Variants in STAU2 observed in about 807,000 individuals in gnomAD.
STAU2 encodes double-stranded RNA-binding protein Staufen homolog 2.
STAU2 carries 20 observed loss-of-function variants against 65.9 expected under a neutral mutation model. The observed-to-expected ratio is 0.30, with a 90% confidence interval of 0.21 to 0.44. STAU2 has a LOEUF of 0.44. STAU2 is among the 20% of genes least tolerant of loss of function. The pLI is 1.00. For missense variants in STAU2, 558 were observed against 683.9 expected (o/e 0.82, Z 2.05); for synonymous variants, 232 against 233.9 (o/e 0.99, Z 0.07).
At chr8:73,690,261 G>A (rs763897604) in intron 4 of STAU2, among the ~76,000 whole-genome samples, 3 of 147,018 alleles carry the variant, frequency 2.0e-5, no homozygotes, top group Non-Finnish European at 3.0e-5. Flanking sequence ...CCCAGGAAGC[G>A]GAGCTTGCAG....
At chr8:73,631,074 G>A (rs1006895455) in intron 6 of STAU2, among the ~76,000 whole-genome samples, 2 of 152,092 alleles carry the variant, frequency 1.3e-5, no homozygotes, top group East Asian at 3.8e-4. Context: ...TGCCAATCTA[G>A]GCCAGGCACA....
chr8:73,422,580 A>G, intron 14 of STAU2, 34 bp downstream of exon 14: 6 of 1,449,570 alleles, frequency 4.1e-6, no homozygotes, highest in Non-Finnish European at 5.5e-6. Flanking sequence ...GTTACAATTA[A>G]AAGTGTAAGA....
chr8:73,571,695 C>G (rs1472747721), intron 12 of STAU2, among the ~76,000 whole-genome samples: 1 of 152,110 alleles, frequency 6.6e-6, no homozygotes, highest in East Asian at 1.9e-4. Flanking sequence ...TTCTTTGAAA[C>G]CAATGAGAAC....
At chr8:73,684,259 G>A (rs1314760948) in intron 5 of STAU2, among the ~76,000 whole-genome samples, 2 of 152,072 alleles carry the variant, frequency 1.3e-5, no homozygotes, top group Non-Finnish European at 2.9e-5. Flanking sequence ...ATAAAAATAG[G>A]CACATAGACC....
intron 3 of STAU2, among the ~76,000 whole-genome samples, chr8:73,724,941 G>C (rs557325533): frequency 1.3e-5 from 2 of 152,060 alleles, no homozygotes; most frequent in Admixed American, 6.6e-5. Context: ...GCCAGCCTTG[G>C]CCTCCCAAAG....
chr8:73,429,919 G>T (rs1336280701), intron 13 of STAU2, among the ~76,000 whole-genome samples: 3 of 152,170 alleles, frequency 2.0e-5, no homozygotes, highest in African/African-American at 7.2e-5. Context: ...TGATTGTTTT[G>T]TGGGGAGCAC....
At chr8:73,691,298 CATT>C (rs1225783153) in intron 4 of STAU2, among the ~76,000 whole-genome samples, 2 of 152,204 alleles carry the variant, frequency 1.3e-5, no homozygotes, top group Non-Finnish European at 2.9e-5. Context: ...GTTCAAACCT[CATT>C]AGTTTCGTTT....
At chr8:73,504,162 T>C (rs1821918619) in intron 13 of STAU2, among the ~76,000 whole-genome samples, 1 of 152,110 alleles carries the variant, frequency 6.6e-6, no homozygotes, top group Non-Finnish European at 1.5e-5. Context: ...CCAGAAACTT[T>C]TCACATTCAT....
intron 12 of STAU2, among the ~76,000 whole-genome samples, chr8:73,560,826 G>C (rs917161777): frequency 6.6e-6 from 1 of 152,188 alleles, no homozygotes; most frequent in African/African-American, 2.4e-5. Context: ...ATCAATTTAT[G>C]ATGAACTGGG....
chr8:73,712,117 T>A (rs1037292511), intron 3 of STAU2, among the ~76,000 whole-genome samples: 1 of 152,142 alleles, frequency 6.6e-6, no homozygotes, highest in Non-Finnish European at 1.5e-5. Context: ...GAGAAGTCAA[T>A]AGTGCAAAAA....
At chr8:73,575,617 A>T (rs1809484550) in intron 12 of STAU2, among the ~76,000 whole-genome samples, 1 of 152,164 alleles carries the variant, frequency 6.6e-6, no homozygotes, top group Non-Finnish European at 1.5e-5. Flanking sequence ...AATAATAATA[A>T]ATCCCTATAC....
chr8:73,736,673 T>C (rs1806453933), intron 3 of STAU2, among the ~76,000 whole-genome samples: 1 of 152,078 alleles, frequency 6.6e-6, no homozygotes, highest in East Asian at 1.9e-4. Context: ...GGGCACACAT[T>C]AAGTCTAAGA....
At chr8:73,728,809 G>A (rs1200237022) in intron 3 of STAU2, among the ~76,000 whole-genome samples, 1 of 152,150 alleles carries the variant, frequency 6.6e-6, no homozygotes, top group Non-Finnish European at 1.5e-5. Flanking sequence ...ATTAGCTTTA[G>A]TGGAGGTTTT....
chr8:73,594,524 CA>C (rs1811045977), intron 11 of STAU2, among the ~76,000 whole-genome samples: 1 of 152,094 alleles, frequency 6.6e-6, no homozygotes, highest in African/African-American at 2.4e-5. Context: ...CCACAGATAA[CA>C]AAATGATACT....
At chr8:73,554,174 G>A (rs1353521110) in intron 12 of STAU2, among the ~76,000 whole-genome samples, 1 of 152,196 alleles carries the variant, frequency 6.6e-6, no homozygotes, top group Non-Finnish European at 1.5e-5. Flanking sequence ...TCTGAGACAA[G>A]CAAGACTGAA....
At chr8:73,624,823 G>GA (rs1813520003) in intron 6 of STAU2, among the ~76,000 whole-genome samples, 1 of 152,206 alleles carries the variant, frequency 6.6e-6, no homozygotes, top group African/African-American at 2.4e-5. Flanking sequence ...GGCAGATTCT[G>GA]AAGATCTCTG....
At chr8:73,604,658 G>T (rs1163430718) in intron 9 of STAU2, among the ~76,000 whole-genome samples, 1 of 152,078 alleles carries the variant, frequency 6.6e-6, no homozygotes, top group Non-Finnish European at 1.5e-5. Context: ...TTCACATAAG[G>T]AAAAACTCAA....
chr8:73,456,362 T>G (rs918193965), intron 13 of STAU2, among the ~76,000 whole-genome samples: 1 of 152,196 alleles, frequency 6.6e-6, no homozygotes, highest in African/African-American at 2.4e-5. Flanking sequence ...CTGGAACCTC[T>G]CATCTTCCAT....
chr8:73,478,590 T>A (rs1264319600), intron 13 of STAU2, among the ~76,000 whole-genome samples: 1 of 152,210 alleles, frequency 6.6e-6, no homozygotes, highest in Non-Finnish European at 1.5e-5. Flanking sequence ...TAGCTAGAGT[T>A]AGCAAATGAT....
Sources: allele counts gnomAD v4.1 joint callset (sites outside exome capture counted in the v4.1 genomes callset), GRCh38; gene constraint gnomAD v4.1.1; transcripts MANE v1.5; gene names NCBI Gene and HGNC (gene_info 2026-07-23, HGNC 2026-07-21).